Variants in ADGRB3 observed in about 807,000 individuals in gnomAD.
ADGRB3 encodes the protein brain-specific angiogenesis inhibitor 3.
ADGRB3 carries 37 observed loss-of-function variants against 193.4 expected under a neutral mutation model. The ratio of observed to expected loss-of-function variants is 0.19; its 90% CI spans 0.15 to 0.25. The LOEUF (loss-of-function observed/expected upper bound fraction) is 0.25. Ranked by LOEUF, ADGRB3 falls within the 10% of genes least tolerant of loss-of-function variation. ADGRB3 has a pLI of 1.00. For missense variants in ADGRB3, 1,637 were observed against 1,852.9 expected (o/e 0.88, Z 2.14); for synonymous variants, 690 against 644.2 (o/e 1.07, Z -1.08).
At chr6:69,029,868 A>G (rs552310759) in intron 13 of ADGRB3, among the ~76,000 whole-genome samples, 1 of 152,032 alleles carries the variant, frequency 6.6e-6, no homozygotes, top group Admixed American at 6.6e-5. Flanking sequence ...ACAAGAAAAG[A>G]ACAAACAACC....
chr6:69,372,866 C>G (rs543463059), intron 30 of ADGRB3, among the ~76,000 whole-genome samples: 28 of 151,952 alleles, frequency 1.8e-4, no homozygotes, highest in African/African-American at 6.7e-4. Context: ...CTGAAAATTA[C>G]TTGTTTCATG....
chr6:69,039,471 G>T (rs1770966611), intron 13 of ADGRB3, among the ~76,000 whole-genome samples: 1 of 152,032 alleles, frequency 6.6e-6, no homozygotes, highest in Non-Finnish European at 1.5e-5. Flanking sequence ...TCTGTAAAGG[G>T]ATAGATAGTA....
chr6:68,990,209 A>G (rs917208745), intron 10 of ADGRB3, among the ~76,000 whole-genome samples: 1 of 151,272 alleles, frequency 6.6e-6, no homozygotes, highest in Non-Finnish European at 1.5e-5. Context: ...GGGTAGACAT[A>G]AGGCAAAAAA....
At chr6:69,356,958 G>T (rs1156472299) in intron 28 of ADGRB3, among the ~76,000 whole-genome samples, 1 of 152,112 alleles carries the variant, frequency 6.6e-6, no homozygotes, top group South Asian at 2.1e-4. Flanking sequence ...CCTTTTATTT[G>T]TTGATCTTGG....
At chr6:68,701,986 T>A (rs1218212789) in intron 3 of ADGRB3, among the ~76,000 whole-genome samples, 1 of 152,158 alleles carries the variant, frequency 6.6e-6, no homozygotes, top group Non-Finnish European at 1.5e-5. Context: ...AAGCACAGTT[T>A]ATTCTGGTTT....
At chr6:69,069,852 A>G (rs752582966) in intron 16 of ADGRB3, among the ~76,000 whole-genome samples, 1 of 152,048 alleles carries the variant, frequency 6.6e-6, no homozygotes, top group African/African-American at 2.4e-5. Flanking sequence ...TCCAAAATCT[A>G]TTTGGGTAGT....
chr6:68,953,649 G>C lies in ADGRB3; in HGVS notation c.1196-2375G>C, dbSNP rs542805633. Among the ~76,000 whole-genome samples the C allele has an allele frequency of 5.9e-5, 9 of 152,202 alleles. No individual in the cohort carries two copies. In the East Asian group the frequency reaches 1.5e-3, roughly 26 times the overall value. ...TACATAACCAATATGATTGTATCAG[G>C]CACTTGTAATAAAGTGAGATGCTAA... On this transcript the variant is annotated intron_variant, in intron 6 of 31. Transcript: ENST00000370598.
intron 3 of ADGRB3, among the ~76,000 whole-genome samples, chr6:68,731,544 A>G (rs967043325): frequency 2.0e-5 from 3 of 151,652 alleles, no homozygotes; most frequent in Non-Finnish European, 3.0e-5. Context: ...CAAATATGAT[A>G]TACTTCAAAT....
chr6:68,861,632 G>C (rs1056602812), intron 3 of ADGRB3, among the ~76,000 whole-genome samples: 3 of 152,140 alleles, frequency 2.0e-5, no homozygotes, highest in Non-Finnish European at 4.4e-5. Flanking sequence ...ATGCAAATCT[G>C]TACTATTTTA....
At chr6:68,662,463 G>A (rs999905152) in intron 3 of ADGRB3, among the ~76,000 whole-genome samples, 1 of 151,512 alleles carries the variant, frequency 6.6e-6, no homozygotes, top group Non-Finnish European at 1.5e-5. Flanking sequence ...AGAATACTGA[G>A]GCTTAAGTAA....
intron 20 of ADGRB3, among the ~76,000 whole-genome samples, chr6:69,252,244 C>A (rs1766639616): frequency 6.6e-6 from 1 of 151,980 alleles, no homozygotes; most frequent in Non-Finnish European, 1.5e-5. Context: ...ATTAATTATT[C>A]TTTATTGCTG....
intron 17 of ADGRB3, among the ~76,000 whole-genome samples, chr6:69,096,093 T>G (rs3799033): frequency 0.033 from 5,001 of 152,290 alleles, 137 homozygotes; most frequent in East Asian, 0.096. Context: ...AGATTTCCAT[T>G]TCTTCCTGGA....
intron 3 of ADGRB3, among the ~76,000 whole-genome samples, chr6:68,723,174 T>A (rs1220511941): frequency 6.6e-6 from 1 of 151,850 alleles, no homozygotes; most frequent in Non-Finnish European, 1.5e-5. Context: ...AAACATAATA[T>A]GAAGATGTGA....
In ADGRB3 at chr6:69,004,403, C is replaced by CT. The variant is rs1287195141; in HGVS notation, c.1930-9623dup. 8.1e-3 allele frequency among the ~76,000 whole-genome samples: 1,184 copies of CT among 145,676 alleles called. 6 individuals carry two copies. Among genetic ancestry groups the CT allele is most frequent in the Middle Eastern group, 0.036 (10 of 274 alleles). On this transcript the variant is annotated intron_variant, in intron 11 of 31. Transcript: ENST00000370598. Reference sequence around the variant, plus strand: ...TCTCTGTGTGTTCTAATATCCTCTTCTTTTTTTTTTTTCTTTATCTTTTAT... The same window carrying CT: ...TCTCTGTGTGTTCTAATATCCTCTTCTTTTTTTTTTTTTCTTTATCTTTTAT...
intron 11 of ADGRB3, among the ~76,000 whole-genome samples, chr6:69,001,102 C>G (rs533493988): frequency 2.6e-5 from 4 of 152,274 alleles, no homozygotes; most frequent in African/African-American, 9.6e-5. Flanking sequence ...GCATGTTCCA[C>G]TTCTATGAAT....
intron 3 of ADGRB3, among the ~76,000 whole-genome samples, chr6:68,794,522 A>G (rs1767169660): frequency 6.6e-6 from 1 of 152,154 alleles, no homozygotes; most frequent in Non-Finnish European, 1.5e-5. Context: ...CTTATATTAT[A>G]TACCACTTTA....
chr6:68,948,663 A>G (rs1264455254), intron 6 of ADGRB3, among the ~76,000 whole-genome samples: 1 of 152,128 alleles, frequency 6.6e-6, no homozygotes, highest in Non-Finnish European at 1.5e-5. Context: ...GGAGCTAATG[A>G]TTTAAGTTTA....
chr6:68,709,669 A>G (rs974979264), intron 3 of ADGRB3, among the ~76,000 whole-genome samples: 12 of 152,196 alleles, frequency 7.9e-5, no homozygotes, highest in African/African-American at 2.9e-4. Context: ...TTTTTCAAAT[A>G]GTGTCATTTT....
At chr6:69,106,162 G>A (rs1773205095) in intron 17 of ADGRB3, among the ~76,000 whole-genome samples, 2 of 23,800 alleles carry the variant, frequency 8.4e-5, no homozygotes, top group Admixed American at 6.7e-4. Flanking sequence ...GTGAGACTGC[G>A]TTAAAAAAAA....
Sources: gnomAD v4.1 joint callset for allele counts (sites outside exome capture counted in the v4.1 genomes callset) on GRCh38, gnomAD v4.1.1 for gene constraint, MANE v1.5 for transcripts, NCBI Gene and HGNC (gene_info 2026-07-23, HGNC 2026-07-21) for gene names.